The following SOX30 variants were observed in gnomAD, a reference collection of about 807,000 sequenced individuals.
SOX30 encodes SRY-box transcription factor 30, also known as transcription factor SOX-30.
In SOX30, 17 loss-of-function variants were observed where a neutral mutation model predicts 58.6. That is an observed-to-expected ratio of 0.29 (90% CI 0.20 to 0.44). SOX30 has a LOEUF of 0.44. SOX30 is among the 20% of genes least tolerant of loss of function. The pLI is 1.00. For missense variants in SOX30, 951 were observed against 965.8 expected, an observed-to-expected ratio of 0.98 and a Z score of 0.20; for synonymous variants, 421 against 400.2, an observed-to-expected ratio of 1.05 and a Z score of -0.62.
Position 157,626,522 on chromosome 5 carries a change from T to G in SOX30, c.2080A>C (p.Thr694Pro). 6.2e-7 allele frequency: 1 copy of G among 1,614,190 alleles called. No homozygotes were observed. Among genetic ancestry groups the G allele is most frequent in the Non-Finnish European group, 8.5e-7 (1 of 1,180,038 alleles). ...NSRSCENMNGTSYYNSHSHSG... is the reference protein window; with the variant it reads ...NSRSCENMNGPSYYNSHSHSG... Reference sequence around the variant, plus strand: ...TGGCTATGACTGTTATAGTAAGAAGTTCCATTCATGTTCTCACAACTCCGA... The same window carrying G: ...TGGCTATGACTGTTATAGTAAGAAGGTCCATTCATGTTCTCACAACTCCGA... The change falls in exon 5 of 5, where the codon ACT becomes CCT. Residue 694 changes from threonine (T) to proline (P), a missense_variant. Thr to Pro is a conservative substitution (Grantham distance 38). This residue lies in a region of SOX30 where 381 missense variants were observed against 390.0 expected (regional missense o/e 0.98). Transcript: ENST00000265007.
chr5:157,646,006 G>A (rs1486590009), intron 3 of SOX30, among the ~76,000 whole-genome samples: 10 of 124,926 alleles, frequency 8.0e-5, no homozygotes, highest in Middle Eastern at 4.1e-3. Context: ...CAACAAGAGC[G>A]AAAACTCCAT....
intron 3 of SOX30, among the ~76,000 whole-genome samples, chr5:157,641,246 TAA>T (rs1177882062): frequency 6.6e-6 from 1 of 150,848 alleles, no homozygotes; most frequent in Non-Finnish European, 1.5e-5. Flanking sequence ...AAAGAACTAG[TAA>T]GAGAAGAGGA....
chr5:157,657,104 A>G (rs964521277), upstream of SOX30, among the ~76,000 whole-genome samples: 1 of 152,242 alleles, frequency 6.6e-6, no homozygotes, highest in African/African-American at 2.4e-5. Context: ...CACTAATGCA[A>G]GAGTCACATT....
chr5:157,653,016 A>C (rs376298454), upstream of SOX30, among the ~76,000 whole-genome samples: 2 of 152,168 alleles, frequency 1.3e-5, no homozygotes, highest in East Asian at 1.9e-4. Flanking sequence ...CTAACCTCCT[A>C]CTACTGCTAC....
Position 157,626,806 on chromosome 5 carries a change from C to G in SOX30, c.1881-85G>C, listed in dbSNP as rs1758668895. On this transcript the variant is annotated intron_variant, in intron 4 of 4. Coordinates refer to ENST00000265007, the MANE Select transcript of SOX30 (RefSeq NM_178424.2). ...GACTAACAGAGCAAGTTAATGCCTCCTCTTTGGGGTTTGGAAAGTTCCTTT... is the reference window on the plus strand; with the variant it reads ...GACTAACAGAGCAAGTTAATGCCTCGTCTTTGGGGTTTGGAAAGTTCCTTT... 1.1e-5 allele frequency: 16 copies of G among 1,443,144 alleles called. No homozygotes were observed. The South Asian group carries it at 2.1e-4, about 19-fold the overall frequency. The allele number at this position is 1,443,144 out of a possible 1,614,324, so 89.4% of individuals were successfully genotyped here. A position where few individuals can be genotyped will look rare whatever the true frequency, so the allele number is the denominator to read the frequency against.
chr5:157,652,412 C>T lies in SOX30; in HGVS notation c.-334G>A. On this transcript the variant is annotated 5_prime_UTR_variant, in exon 1 of 5. Coordinates refer to ENST00000265007, the MANE Select transcript of SOX30 (RefSeq NM_178424.2). ...TCTTACAGCCGTTGTCTTTAGTCAT[C>T]CCTCCCCCACCCGGAGCTGCGACAA... is the stretch of plus-strand genomic sequence containing the variant. 4.7e-6 allele frequency: 5 copies of T among 1,053,596 alleles called. No individual in the cohort carries two copies. The highest frequency in any genetic ancestry group is 5.7e-6 in the Non-Finnish European group (5 of 874,862). The allele number at this position is 1,053,596 out of a possible 1,614,324, so 65.3% of individuals were successfully genotyped here.
intron 4 of SOX30, among the ~76,000 whole-genome samples, chr5:157,637,976 G>A (rs963229168): frequency 6.6e-6 from 1 of 152,122 alleles, no homozygotes. Context: ...TTACAGGCAT[G>A]AGCCACTGCC....
chr5:157,631,031 ATAC>A (rs1216913080), intron 4 of SOX30, among the ~76,000 whole-genome samples: 1 of 99,500 alleles, frequency 1.0e-5, no homozygotes, highest in East Asian at 2.6e-4. Flanking sequence ...TTATATATAT[ATAC>A]AATATATATA....
intron 4 of SOX30, among the ~76,000 whole-genome samples, chr5:157,627,944 C>T (rs942487924): frequency 1.3e-5 from 2 of 151,026 alleles, no homozygotes; most frequent in East Asian, 2.0e-4. Context: ...CAGTGAGCCG[C>T]GATCACGCCA....
intron 2 of SOX30, among the ~76,000 whole-genome samples, chr5:157,658,105 G>A (rs1239386587): frequency 6.6e-6 from 1 of 152,302 alleles, no homozygotes; most frequent in African/African-American, 2.4e-5. Flanking sequence ...ATAGGTATTT[G>A]AGGGTACAAA....
chr5:157,668,578 A>C (rs914028398), intron 1 of SOX30, among the ~76,000 whole-genome samples: 4 of 152,144 alleles, frequency 2.6e-5, no homozygotes, highest in Middle Eastern at 3.2e-3. Flanking sequence ...CCGTCCATCC[A>C]TCCATCCATC....
At chr5:157,659,946 C>T (rs1309467063) in intron 2 of SOX30, among the ~76,000 whole-genome samples, 1 of 152,178 alleles carries the variant, frequency 6.6e-6, no homozygotes, top group African/African-American at 2.4e-5. Context: ...GCAGATAAAG[C>T]CTCCAGATAG....
chr5:157,638,474 T>C lies in SOX30; in HGVS notation c.1636A>G (p.Ile546Val). 1 of 1,614,170 alleles carries C rather than the reference T, an allele frequency of 6.2e-7. No homozygotes were observed. Among genetic ancestry groups the C allele is most frequent in the Non-Finnish European group, 8.5e-7 (1 of 1,180,036 alleles). ...TPVSLESANR[I>V]SSSASTAHAR... The stretch of plus-strand genomic sequence containing the variant: ...TGGGCAGTACTTGCACTACTTGAAA[T>C]CCTGTTGGCGCTCTCTAGAGAGACA... The change falls in exon 4 of 5, where the codon ATT becomes GTT. Residue 546 changes from isoleucine (I) to valine (V), a missense_variant. This residue lies in a region of SOX30 where 381 missense variants were observed against 390.0 expected (regional missense o/e 0.98). Coordinates refer to ENST00000265007, the MANE Select transcript of SOX30 (RefSeq NM_178424.2).
chr5:157,635,709 A>G (rs4262087), intron 4 of SOX30, among the ~76,000 whole-genome samples: 10,977 of 152,256 alleles, frequency 0.072, 1,360 homozygotes, highest in African/African-American at 0.25. Flanking sequence ...TAATTTATAC[A>G]TTAACAGTCA....
chr5:157,636,967 A>G (rs959551904), intron 4 of SOX30, among the ~76,000 whole-genome samples: 15 of 152,016 alleles, frequency 9.9e-5, no homozygotes, highest in African/African-American at 3.4e-4. Context: ...ATCTCTATTA[A>G]AAACACACAA....
chr5:157,669,644 G>C (rs1241379161), intron 1 of SOX30, among the ~76,000 whole-genome samples: 1 of 151,910 alleles, frequency 6.6e-6, no homozygotes, highest in East Asian at 1.9e-4. Flanking sequence ...AGCCTCCCTA[G>C]TGGCTGGCAT....
chr5:157,632,789 A>C (rs1758842582), intron 4 of SOX30, among the ~76,000 whole-genome samples: 1 of 152,100 alleles, frequency 6.6e-6, no homozygotes, highest in African/African-American at 2.4e-5. Flanking sequence ...CCTTTTATCA[A>C]GGTTAAGAAG....
chr5:157,647,690 G>A (rs1220089124), intron 2 of SOX30, among the ~76,000 whole-genome samples: 4 of 151,944 alleles, frequency 2.6e-5, no homozygotes, highest in African/African-American at 9.7e-5. Flanking sequence ...AAGTAGCTGG[G>A]ACTACAGGTG....
At chr5:157,665,975 G>A (rs944227988) in intron 2 of SOX30, among the ~76,000 whole-genome samples, 4 of 146,656 alleles carry the variant, frequency 2.7e-5, no homozygotes, top group African/African-American at 7.6e-5. Flanking sequence ...ATTTGATCTC[G>A]GCTCAAATTT....
Sources: gnomAD v4.1 joint callset for allele counts (sites outside exome capture counted in the v4.1 genomes callset) on GRCh38, gnomAD v4.1.1 for gene constraint, gnomAD v4.1.1 regional missense constraint, MANE v1.5 for transcripts, NCBI Gene and HGNC (gene_info 2026-07-23, HGNC 2026-07-21) for gene names.